The following ASTN2 variants were observed in gnomAD, a reference collection of about 807,000 sequenced individuals.
The protein encoded by ASTN2 is astrotactin 2, also known as astrotactin-2.
ASTN2 carries 54 observed loss-of-function variants against 139.8 expected under a neutral mutation model. The observed-to-expected ratio is 0.39, with a 90% CI of 0.31 to 0.48. The LOEUF is 0.48. Among genes scored for constraint, ASTN2 ranks in the 20% least tolerant of loss-of-function variants. The probability of loss-of-function intolerance (pLI) is 0.95; values close to 1 mark genes in which losing one functional copy is unlikely to be tolerated. For synonymous variants in ASTN2, 756 were observed against 719.5 expected (o/e 1.05, Z -0.81); for missense variants, 1,565 against 1,725.1 (o/e 0.91, Z 1.64).
chr9:116,571,498 A>C (rs888286968), intron 19 of ASTN2, among the ~76,000 whole-genome samples: 3 of 152,186 alleles, frequency 2.0e-5, no homozygotes, highest in African/African-American at 7.2e-5. Flanking sequence ...AGTTATGTCC[A>C]TACGGTGAGT....
At chr9:116,720,024 CG>C in intron 16 of ASTN2, among the ~76,000 whole-genome samples, 1 of 152,140 alleles carries the variant, frequency 6.6e-6, no homozygotes, top group East Asian at 1.9e-4. Flanking sequence ...CAAGTTCCCT[CG>C]GGAAACTGAA....
At chr9:117,125,829 C>T (rs200200502) in intron 4 of ASTN2, among the ~76,000 whole-genome samples, 29,425 of 143,536 alleles carry the variant, frequency 0.21, 2,949 homozygotes, top group African/African-American at 0.25. Context: ...TTCATTGCGG[C>T]GGGGGGGGGA....
intron 19 of ASTN2, among the ~76,000 whole-genome samples, chr9:116,602,085 T>C: frequency 6.6e-6 from 1 of 152,168 alleles, no homozygotes; most frequent in East Asian, 1.9e-4. Flanking sequence ...TCAGACCCTG[T>C]AGAATGCATA....
At chr9:116,535,298 G>A (rs1238943719) in intron 19 of ASTN2, among the ~76,000 whole-genome samples, 1 of 152,102 alleles carries the variant, frequency 6.6e-6, no homozygotes, top group Admixed American at 6.5e-5. Flanking sequence ...ACACTGATGG[G>A]TCTTGACTCT....
chr9:117,414,539 G>C lies in ASTN2; in HGVS notation c.400C>G (p.Gln134Glu), dbSNP rs1468867861. 1 of 1,606,208 alleles carries C rather than the reference G, an allele frequency of 6.2e-7. No homozygotes were observed. Among genetic ancestry groups the C allele is most frequent in the Admixed American group, 1.7e-5 (1 of 59,796 alleles). The change falls in exon 1 of 23, where the codon CAG becomes GAG. Residue 134 changes from glutamine to glutamate, a missense_variant. Transcript: ENST00000313400. This position sits in a 1 kb window ranked among gnomAD's most constrained non-coding sequence, Gnocchi z 4.2. ...AGCTCGGTGTTGTCCAGGTCGTCCT[G>C]CACCGCGATGCGCCCCGGCAGCTCG... The part of the protein sequence containing the change: ...RNELPGRIAV[Q>E]DDLDNTELPF...
intron 19 of ASTN2, among the ~76,000 whole-genome samples, chr9:116,601,565 C>T (rs1854901286): frequency 6.6e-6 from 1 of 151,894 alleles, no homozygotes; most frequent in South Asian, 2.1e-4. Flanking sequence ...AAGAAAGGAC[C>T]CGATTTGAGA....
At chr9:117,249,816 G>A (rs1833488107) in intron 2 of ASTN2, among the ~76,000 whole-genome samples, 1 of 151,962 alleles carries the variant, frequency 6.6e-6, no homozygotes, top group African/African-American at 2.4e-5. Context: ...GGGGTCCCAG[G>A]GTAACACCTA....
rs35759848 is a variant in ASTN2, at chr9:117,005,080, ATTTTTTTT to A, written c.1591+3004_1591+3011del. Among the ~76,000 whole-genome samples the A allele has an allele frequency of 9.4e-5, 7 of 74,674 alleles. No homozygotes were observed. In the South Asian group the frequency reaches 1.9e-3, roughly 20 times the overall value. 49.0% of individuals were successfully genotyped at this position (74,674 alleles called of 152,430 possible). A position where few individuals can be genotyped will look rare whatever the true frequency, so the allele number is the denominator to read the frequency against. On this transcript the variant is annotated intron_variant, in intron 7 of 22. Coordinates refer to ENST00000313400, the MANE Select transcript of ASTN2 (RefSeq NM_001365068.1). ...AATTTGAGTTGTGGACCTGTAGTCG[ATTTTTTTT>A]TTTTTTTTTTTTTTTTGAGACACAG...
chr9:116,879,303 C>G (rs1002196491), intron 10 of ASTN2, among the ~76,000 whole-genome samples: 1 of 152,024 alleles, frequency 6.6e-6, no homozygotes, highest in Non-Finnish European at 1.5e-5. Flanking sequence ...GTCAGTTTCA[C>G]TTTCAGAAAT....
At chr9:116,515,239 C>G (rs1850594301) in intron 19 of ASTN2, among the ~76,000 whole-genome samples, 1 of 152,066 alleles carries the variant, frequency 6.6e-6, no homozygotes, top group Admixed American at 6.6e-5. Context: ...GTGACAGCAC[C>G]CTGACTTTGT....
intron 19 of ASTN2, among the ~76,000 whole-genome samples, chr9:116,563,653 T>C (rs979791514): frequency 3.9e-5 from 6 of 152,310 alleles, no homozygotes; most frequent in Non-Finnish European, 4.4e-5. Flanking sequence ...TTCCCTCATC[T>C]AGCATAGTTG....
intron 13 of ASTN2, among the ~76,000 whole-genome samples, chr9:116,750,608 A>G (rs182161994): frequency 1.5e-3 from 233 of 152,294 alleles, no homozygotes; most frequent in Admixed American, 2.4e-3. Context: ...ATGGAGAAAG[A>G]AAACACCCAA....
chr9:117,314,127 T>G (rs1039251113), intron 1 of ASTN2, among the ~76,000 whole-genome samples: 4 of 152,178 alleles, frequency 2.6e-5, no homozygotes, highest in Admixed American at 6.6e-5. Flanking sequence ...GATAGAGACA[T>G]CTGTAGTTAC....
intron 2 of ASTN2, among the ~76,000 whole-genome samples, chr9:117,215,839 T>C (rs1369588668): frequency 6.6e-6 from 1 of 152,168 alleles, no homozygotes; most frequent in African/African-American, 2.4e-5. Flanking sequence ...CTTTGCTGAA[T>C]GCCTGCTGTG....
At chr9:116,708,955 C>T (rs1828068722) in intron 16 of ASTN2, among the ~76,000 whole-genome samples, 1 of 152,208 alleles carries the variant, frequency 6.6e-6, no homozygotes, top group South Asian at 2.1e-4. Context: ...CTCTGGCCCA[C>T]ACTTGATGGC....
At chr9:116,942,955 C>G (rs573435965) in intron 10 of ASTN2, among the ~76,000 whole-genome samples, 1 of 152,300 alleles carries the variant, frequency 6.6e-6, no homozygotes, top group South Asian at 2.1e-4. Flanking sequence ...CATTTCACAT[C>G]CTCTTCTGGA....
At chr9:116,448,201 C>A (rs1200191176) in intron 20 of ASTN2, among the ~76,000 whole-genome samples, 2 of 148,564 alleles carry the variant, frequency 1.3e-5, no homozygotes, top group Non-Finnish European at 3.0e-5. Context: ...GCCAGAGGCC[C>A]CAGTCTTGTA....
At chr9:117,345,557 G>A (rs1335160693) in intron 1 of ASTN2, among the ~76,000 whole-genome samples, 2 of 152,180 alleles carry the variant, frequency 1.3e-5, no homozygotes, top group Non-Finnish European at 2.9e-5. Flanking sequence ...AGGTGGCAGA[G>A]CTTGGTTTTC....
At chr9:116,931,823 A>G (rs549023409) in intron 10 of ASTN2, among the ~76,000 whole-genome samples, 1 of 152,302 alleles carries the variant, frequency 6.6e-6, no homozygotes, top group African/African-American at 2.4e-5. Context: ...GGGTTGAGTA[A>G]TTTCAGGAAA....
Sources: allele counts gnomAD v4.1 joint callset (sites outside exome capture counted in the v4.1 genomes callset), GRCh38; gene constraint gnomAD v4.1.1; non-coding constraint Gnocchi (gnomAD v3.1); transcripts MANE v1.5; gene names NCBI Gene and HGNC (gene_info 2026-07-23, HGNC 2026-07-21).